HS3ST4: variants seen among roughly 807,000 people sequenced by gnomAD.
HS3ST4 encodes heparan sulfate glucosamine 3-O-sulfotransferase 4.
Under a neutral mutation model 29.2 loss-of-function variants are expected in HS3ST4, and 17 were observed. The observed-to-expected ratio is 0.58, with a 90% CI of 0.40 to 0.87. HS3ST4 has a LOEUF of 0.87. Ranked by LOEUF, HS3ST4 falls within the 40% of genes least tolerant of loss-of-function variation. The pLI, the probability that HS3ST4 is intolerant of heterozygous loss-of-function variation, is 0.00. For synonymous variants in HS3ST4, 314 were observed against 285.7 expected (o/e 1.10, Z -1.00); for missense variants, 627 against 634.5 (o/e 0.99, Z 0.13).
At chr16:25,882,112 G>T (rs1967901150) in intron 1 of HS3ST4, among the ~76,000 whole-genome samples, 1 of 152,118 alleles carries the variant, frequency 6.6e-6, no homozygotes, top group Admixed American at 6.6e-5. Context: ...TGTGAACAGG[G>T]TCATTGTAAA....
At chr16:25,985,147 A>G (rs1282444772) in intron 1 of HS3ST4, among the ~76,000 whole-genome samples, 3 of 152,182 alleles carry the variant, frequency 2.0e-5, no homozygotes, top group Admixed American at 1.3e-4. Flanking sequence ...CTGTTTCCTT[A>G]TTTAAATAGG....
At chr16:25,710,038 A>G (rs1006354666) in intron 1 of HS3ST4, among the ~76,000 whole-genome samples, 3 of 152,186 alleles carry the variant, frequency 2.0e-5, no homozygotes, top group African/African-American at 4.8e-5. Flanking sequence ...TAGATAGCCT[A>G]GAATTTCTAG....
At chr16:26,104,389 G>A (rs940523443) in intron 1 of HS3ST4, among the ~76,000 whole-genome samples, 5 of 152,082 alleles carry the variant, frequency 3.3e-5, no homozygotes, top group African/African-American at 4.8e-5. Context: ...AATAGGCCAG[G>A]GAGTTGGAGT....
intron 1 of HS3ST4, among the ~76,000 whole-genome samples, chr16:26,001,894 TGAG>T (rs1002854123): frequency 1.3e-4 from 20 of 151,732 alleles, no homozygotes; most frequent in Admixed American, 1.1e-3. Context: ...CAAGAAATAA[TGAG>T]GAGAAGAGAA....
At chr16:26,121,016 CT>C (rs1198617404) in intron 1 of HS3ST4, among the ~76,000 whole-genome samples, 3 of 152,180 alleles carry the variant, frequency 2.0e-5, no homozygotes, top group Admixed American at 2.0e-4. Context: ...ACCACTAAGC[CT>C]TTTGATCCTG....
At chr16:25,708,792 T>TA (rs1452657184) in intron 1 of HS3ST4, among the ~76,000 whole-genome samples, 3 of 152,208 alleles carry the variant, frequency 2.0e-5, no homozygotes, top group African/African-American at 7.2e-5. Flanking sequence ...TCTTTTAGTT[T>TA]ACCTTCAACT....
chr16:26,135,154 A>G (rs1189429208), intron 1 of HS3ST4, among the ~76,000 whole-genome samples: 1 of 152,200 alleles, frequency 6.6e-6, no homozygotes, highest in African/African-American at 2.4e-5. Context: ...AAGATTTTCT[A>G]AAAACTACTA....
chr16:26,007,715 G>T (rs577575391), intron 1 of HS3ST4, among the ~76,000 whole-genome samples: 2 of 152,096 alleles, frequency 1.3e-5, no homozygotes, highest in Non-Finnish European at 2.9e-5. Flanking sequence ...ATCAGATGCC[G>T]TTGTCCTTCA....
intron 1 of HS3ST4, among the ~76,000 whole-genome samples, chr16:25,974,976 C>T (rs1968929533): frequency 6.6e-6 from 1 of 152,126 alleles, no homozygotes; most frequent in South Asian, 2.1e-4. Flanking sequence ...CAGTAAATAG[C>T]TAATCCAGTC....
intron 1 of HS3ST4, among the ~76,000 whole-genome samples, chr16:25,770,219 A>C (rs1966840129): frequency 1.3e-5 from 2 of 152,296 alleles, no homozygotes; most frequent in South Asian, 4.1e-4. Context: ...AGATGAATAA[A>C]AGTTCCTGCT....
At chr16:25,740,480 C>T (rs1596557536) in intron 1 of HS3ST4, among the ~76,000 whole-genome samples, 1 of 152,096 alleles carries the variant, frequency 6.6e-6, no homozygotes, top group African/African-American at 2.4e-5. Flanking sequence ...CTAAGTGACT[C>T]CTTTAACAGA....
chr16:26,110,278 T>C (rs1485576549), intron 1 of HS3ST4, among the ~76,000 whole-genome samples: 2 of 152,222 alleles, frequency 1.3e-5, no homozygotes, highest in Admixed American at 6.5e-5. Context: ...ATTATATATA[T>C]GGTATACATA....
Position 25,869,214 on chromosome 16 carries a change from C to G in HS3ST4, c.734+176063C>G, listed in dbSNP as rs556817726. Among the ~76,000 whole-genome samples, 18 of 152,138 alleles carry G rather than the reference C, an allele frequency of 1.2e-4. No homozygotes were observed. The South Asian group carries it at 2.5e-3, about 21-fold the overall frequency. ...GGGACCAGGCTGGCGATTTGCTCTC[C>G]GTGGAGAAACAGCATTGGTGGTGTG... On this transcript the variant is annotated intron_variant, in intron 1 of 1. Coordinates refer to ENST00000331351, the MANE Select transcript of HS3ST4 (RefSeq NM_006040.3).
intron 1 of HS3ST4, among the ~76,000 whole-genome samples, chr16:26,040,299 T>C (rs1969624232): frequency 6.7e-6 from 1 of 149,534 alleles, no homozygotes; most frequent in South Asian, 2.1e-4. Context: ...TTTCTTTCTT[T>C]TTTTTTTTTT....
chr16:25,761,687 C>T (rs1287112887), intron 1 of HS3ST4, among the ~76,000 whole-genome samples: 1 of 152,214 alleles, frequency 6.6e-6, no homozygotes, highest in Non-Finnish European at 1.5e-5. Flanking sequence ...TGTGCACACT[C>T]ATTCATCCAA....
At chr16:25,998,985 G>T (rs55851841) in intron 1 of HS3ST4, among the ~76,000 whole-genome samples, 30,376 of 151,816 alleles carry the variant, frequency 0.2, 3,156 homozygotes, top group African/African-American at 0.23. Flanking sequence ...TTTCTGAGAA[G>T]GTATGTTTTT....
chr16:25,886,400 C>A (rs9933280), intron 1 of HS3ST4, among the ~76,000 whole-genome samples: 113,915 of 152,046 alleles, frequency 0.75, 42,915 homozygotes, highest in African/African-American at 0.81. Flanking sequence ...CGGCAGAACA[C>A]CTAAAGTAAT....
intron 1 of HS3ST4, among the ~76,000 whole-genome samples, chr16:25,861,656 T>A (rs1344571547): frequency 6.6e-6 from 1 of 152,122 alleles, no homozygotes; most frequent in Non-Finnish European, 1.5e-5. Flanking sequence ...CAATCTCCCC[T>A]TTACACTCCC....
chr16:25,871,462 T>G (rs1967752085), intron 1 of HS3ST4, among the ~76,000 whole-genome samples: 1 of 152,074 alleles, frequency 6.6e-6, no homozygotes, highest in Admixed American at 6.5e-5. Context: ...AGGAGTTTGA[T>G]AGATTCAGGA....
Sources: gnomAD v4.1 joint callset for allele counts (sites outside exome capture counted in the v4.1 genomes callset) on GRCh38, gnomAD v4.1.1 for gene constraint, MANE v1.5 for transcripts, NCBI Gene and HGNC (gene_info 2026-07-23, HGNC 2026-07-21) for gene names.